The following PLCH2 variants were observed in gnomAD, a reference collection of about 807,000 sequenced individuals.
PLCH2 encodes phospholipase C eta 2, also known as 1-phosphatidylinositol 4,5-bisphosphate phosphodiesterase eta-2.
Under a neutral mutation model 134.7 loss-of-function variants are expected in PLCH2, and 98 were observed. The observed-to-expected ratio is 0.73, with a 90% CI of 0.62 to 0.86. The LOEUF is 0.86. Ranked by LOEUF, PLCH2 falls within the 40% of genes least tolerant of loss-of-function variation. The probability of loss-of-function intolerance (pLI) is 0.00; values close to 1 mark genes in which losing one functional copy is unlikely to be tolerated. For missense variants in PLCH2, 1,994 were observed against 1,986.6 expected, an observed-to-expected ratio of 1.00 and a Z score of -0.07; for synonymous variants, 974 against 827.5, an observed-to-expected ratio of 1.18 and a Z score of -3.04.
chr1:2,504,628 G>T lies in PLCH2; in HGVS notation c.3666G>T (p.Arg1222Ser), dbSNP rs1254971498. 5.6e-6 allele frequency: 9 copies of T among 1,612,586 alleles called. No individual in the cohort carries two copies. Among genetic ancestry groups the T allele is most frequent in the Non-Finnish European group, 5.9e-6 (7 of 1,179,820 alleles). The change falls in exon 22 of 22, where the codon AGG becomes AGT. Residue 1222 changes from arginine to serine, a missense_variant. Around this residue, in one of 2 missense-constraint regions of PLCH2, gnomAD observed 900 missense variants for 752.3 expected, o/e 1.20. Transcript: ENST00000378486. ...RPPIPDELQP[R>S]SLAPRMAGLP... ...CCATACCTGACGAACTGCAGCCCAG[G>T]TCCCTGGCCCCAAGGATGGCTGGCC...
At chr1:2,474,751 G>A (rs990419250), upstream of PLCH2, among the ~76,000 whole-genome samples, 2 of 152,172 alleles carry the variant, frequency 1.3e-5, no homozygotes, top group Non-Finnish European at 2.9e-5. Context: ...AGGCCTCTGA[G>A]GTGCAGGAAG....
chr1:2,456,872 C>T (rs1000274143), intron 2 of PLCH2, among the ~76,000 whole-genome samples: 1 of 152,194 alleles, frequency 6.6e-6, no homozygotes, highest in Non-Finnish European at 1.5e-5. Context: ...GCAGGTCTCA[C>T]AGCCACAAGG....
intron 2 of PLCH2, among the ~76,000 whole-genome samples, chr1:2,461,237 G>C (rs1338517763): frequency 6.6e-6 from 1 of 152,208 alleles, no homozygotes; most frequent in Non-Finnish European, 1.5e-5. Context: ...GGGGGGTAGG[G>C]CTGGGCAGCC....
chr1:2,424,216 A>C (rs568029152), upstream of PLCH2, among the ~76,000 whole-genome samples: 1 of 152,328 alleles, frequency 6.6e-6, no homozygotes, highest in South Asian at 2.1e-4. Flanking sequence ...TTGTGGTGAG[A>C]ACATTTGACA....
chr1:2,478,878 T>G (rs1012100761), intron 2 of PLCH2, among the ~76,000 whole-genome samples: 1 of 151,960 alleles, frequency 6.6e-6, no homozygotes, highest in African/African-American at 2.4e-5. Context: ...CTGTGCTGAG[T>G]GCTGGGCTGG....
chr1:2,434,713 C>T (rs1241394131), intron 2 of PLCH2, among the ~76,000 whole-genome samples: 5 of 152,292 alleles, frequency 3.3e-5, no homozygotes, highest in Admixed American at 6.5e-5. Flanking sequence ...GGCTGCCAGC[C>T]GCACTAAAAG....
intron 20 of PLCH2, 68 bp downstream of exon 20, chr1:2,499,788 C>A (rs923403499): frequency 1.2e-5 from 14 of 1,212,268 alleles, no homozygotes; most frequent in Admixed American, 2.0e-5. Flanking sequence ...CCCATGCCCC[C>A]CCATGTGTCC....
intron 11 of PLCH2, 95 bp downstream of exon 11, chr1:2,491,430 G>T: frequency 7.8e-7 from 1 of 1,287,872 alleles, no homozygotes; most frequent in Non-Finnish European, 1.1e-6. Flanking sequence ...TGCTCTGTGC[G>T]CACTCACACC....
intron 2 of PLCH2, among the ~76,000 whole-genome samples, chr1:2,432,432 G>C (rs553290651): frequency 6.6e-6 from 1 of 152,214 alleles, no homozygotes; most frequent in African/African-American, 2.4e-5. Flanking sequence ...AGCACACCCC[G>C]TCCCCTGTGC....
rs34299371 is a variant in PLCH2, at chr1:2,439,244, GC to G, written c.115+8622del. Among the ~76,000 whole-genome samples, 93,619 of 151,958 alleles carry G rather than the reference GC, an allele frequency of 0.62. 30,557 individuals carry two copies. Among genetic ancestry groups the G allele is most frequent in the East Asian group, 0.87 (4,467 of 5,116 alleles). The stretch of plus-strand genomic sequence containing the variant: ...CAGGCAGTGCCTATAAAGACCTTTG[GC>G]CCCCCCGAGGGTGTCCTCACCCTTC... On this transcript the variant is annotated intron_variant, in intron 2 of 3. Coordinates refer to the PLCH2 transcript ENST00000609981. The surrounding 1 kb of genome is among the most constrained non-coding windows in gnomAD (Gnocchi z 4.7).
Position 2,494,899 on chromosome 1 carries a change from CCA to C in PLCH2, c.1704_1705del (p.Ser569GlnfsTer32), listed in dbSNP as rs1401935971. 1 of 1,606,272 alleles carries C rather than the reference CCA, an allele frequency of 6.2e-7. No individual in the cohort carries two copies. Among genetic ancestry groups the C allele is most frequent in the African/African-American group, 1.3e-5 (1 of 74,976 alleles). On this transcript the variant is annotated frameshift_variant, in exon 12 of 22. Coordinates refer to ENST00000378486, the MANE Select transcript of PLCH2 (RefSeq NM_014638.4). LOFTEE classifies it high-confidence loss of function. ...GTGGAGTCTGGGGAGGATGCCGGGG[CCA>C]GCAGACGCAATGGCCGCCTCGTCGT...
Position 2,505,480 on chromosome 1 carries a change from A to G in PLCH2, c.*267A>G. 4 of 504,854 alleles carry G rather than the reference A, an allele frequency of 7.9e-6. No individual in the cohort carries two copies. In the South Asian group the frequency reaches 1.1e-4, roughly 14 times the overall value. 31.3% of individuals were successfully genotyped at this position (504,854 alleles called of 1,614,324 possible). On this transcript the variant is annotated 3_prime_UTR_variant, in exon 22 of 22. Transcript: ENST00000378486. Reference sequence around the variant, plus strand: ...GATCTGTACATAGAGAAATATTTAAATTTTTAGAAGCAAAACTTATACAAC... The same window carrying G: ...GATCTGTACATAGAGAAATATTTAAGTTTTTAGAAGCAAAACTTATACAAC...
intron 2 of PLCH2, among the ~76,000 whole-genome samples, chr1:2,451,220 G>A (rs1218316547): frequency 6.6e-6 from 1 of 152,156 alleles, no homozygotes; most frequent in East Asian, 1.9e-4. Flanking sequence ...ACTCCCCAGG[G>A]CCCTCCCCCT....
At chr1:2,434,984 T>C (rs1284262342) in intron 2 of PLCH2, among the ~76,000 whole-genome samples, 1 of 152,114 alleles carries the variant, frequency 6.6e-6, no homozygotes, top group Non-Finnish European at 1.5e-5. Flanking sequence ...TCAGGGGGGA[T>C]TTGTTCTGAG....
chr1:2,446,096 C>T (rs1011777318), intron 2 of PLCH2, among the ~76,000 whole-genome samples: 1 of 152,206 alleles, frequency 6.6e-6, no homozygotes, highest in African/African-American at 2.4e-5. Context: ...CGGGCTTCCA[C>T]CCCCGTCCTG....
intron 2 of PLCH2, among the ~76,000 whole-genome samples, chr1:2,460,287 C>T (rs761583936): frequency 3.3e-5 from 5 of 152,272 alleles, no homozygotes; most frequent in African/African-American, 7.2e-5. Context: ...CTGACCACTG[C>T]TCTGTGTCTC....
At position 2,490,114 on chromosome 1, in the gene PLCH2, C is replaced by T. The variant is rs193146627; in HGVS notation, c.1515+247C>T. Among the ~76,000 whole-genome samples, 7 of 149,242 alleles carry T rather than the reference C, an allele frequency of 4.7e-5. No individual in the cohort carries two copies. In the East Asian group the frequency reaches 1.4e-3, roughly 30 times the overall value. On this transcript the variant is annotated intron_variant, in intron 10 of 21. Transcript: ENST00000378486. ...TTTGAGCTGACTCTTGGGGTACCAT[C>T]CACTCCCCCTGCCCTGTCCTCTTGG...
At chr1:2,440,076 C>T (rs1358284894) in intron 2 of PLCH2, among the ~76,000 whole-genome samples, 1 of 152,060 alleles carries the variant, frequency 6.6e-6, no homozygotes, top group African/African-American at 2.4e-5. Flanking sequence ...GAGGGAAGGG[C>T]AAACAGGGTA....
the PLCH2 span, among the ~76,000 whole-genome samples, chr1:2,417,144 C>T: frequency 1.1e-4 from 16 of 152,184 alleles, no homozygotes; most frequent in African/African-American, 3.4e-4. Context: ...CTACCTGTCG[C>T]TGGGATTGGG....
Sources: gnomAD v4.1 joint callset for allele counts (sites outside exome capture counted in the v4.1 genomes callset) on GRCh38, gnomAD v4.1.1 for gene constraint, gnomAD v4.1.1 regional missense constraint, Gnocchi (gnomAD v3.1) non-coding constraint, MANE v1.5 for transcripts, NCBI Gene and HGNC (gene_info 2026-07-23, HGNC 2026-07-21) for gene names.